Variants in PTPRT observed in about 807,000 individuals in gnomAD.
PTPRT encodes the protein receptor-type tyrosine-protein phosphatase T.
Under a neutral mutation model 176.8 loss-of-function variants are expected in PTPRT, and 56 were observed. The observed-to-expected ratio is 0.32, with a 90% confidence interval of 0.26 to 0.40. The LOEUF is 0.40. Ranked by LOEUF, PTPRT falls within the 10% of genes least tolerant of loss-of-function variation. PTPRT has a pLI of 1.00. For missense variants in PTPRT, 1,540 were observed against 1,908.2 expected, an observed-to-expected ratio of 0.81 and a Z score of 3.60; for synonymous variants, 783 against 739.0, an observed-to-expected ratio of 1.06 and a Z score of -0.96.
chr20:43,126,189 A>G lies in PTPRT; in HGVS notation c.88+63457T>C, dbSNP rs150766274. ...CAACATGGTGAAACCCCGTCTCTATAAAAACACAAAAAATAGCCGGGCATG... is the reference window on the plus strand; with the variant it reads ...CAACATGGTGAAACCCCGTCTCTATGAAAACACAAAAAATAGCCGGGCATG... On this transcript the variant is annotated intron_variant, in intron 1 of 30. Coordinates refer to ENST00000373187, the MANE Select transcript of PTPRT (RefSeq NM_007050.6). 3.2e-3 allele frequency among the ~76,000 whole-genome samples: 491 copies of G among 152,182 alleles called. 4 individuals carry two copies. The highest frequency in any genetic ancestry group is 0.011 in the African/African-American group (443 of 41,522).
intron 6 of PTPRT, among the ~76,000 whole-genome samples, chr20:42,735,435 TTAAATCCC>T (rs11467964): frequency 0.63 from 94,990 of 151,224 alleles, 31,061 homozygotes; most frequent in East Asian, 0.91. Context: ...TAATTCTAGA[TTAAATCCC>T]TACTCCACCC....
At chr20:42,890,870 T>C (rs1224616690) in intron 1 of PTPRT, among the ~76,000 whole-genome samples, 1 of 152,128 alleles carries the variant, frequency 6.6e-6, no homozygotes, top group Non-Finnish European at 1.5e-5. Flanking sequence ...TGGTGGGAGA[T>C]AATTGAATCA....
At chr20:42,366,230 C>T (rs1174059552) in intron 9 of PTPRT, among the ~76,000 whole-genome samples, 1 of 152,200 alleles carries the variant, frequency 6.6e-6, no homozygotes, top group Non-Finnish European at 1.5e-5. Flanking sequence ...CCCCTGACAC[C>T]CAAACCAAGC....
At chr20:42,439,911 AT>A (rs1252070171) in intron 9 of PTPRT, among the ~76,000 whole-genome samples, 3 of 151,964 alleles carry the variant, frequency 2.0e-5, no homozygotes, top group African/African-American at 7.2e-5. Context: ...TTTTTTGTTT[AT>A]TTTTGTTTTG....
At chr20:43,115,679 TC>T (rs2013034154) in intron 1 of PTPRT, among the ~76,000 whole-genome samples, 1 of 152,138 alleles carries the variant, frequency 6.6e-6, no homozygotes, top group African/African-American at 2.4e-5. Context: ...AACCAAAATG[TC>T]AATTCAATTA....
rs572564952 is a variant in PTPRT, at chr20:42,744,039, G to A, written c.859+12423C>T. Among the ~76,000 whole-genome samples, 9 of 152,342 alleles carry A rather than the reference G, an allele frequency of 5.9e-5. No homozygotes were observed. The East Asian group carries it at 1.7e-3, about 29-fold the overall frequency. On this transcript the variant is annotated intron_variant, in intron 6 of 30. Transcript: ENST00000373187. ...ACCAACTGGCTTGGGCTGGAAGCTG[G>A]GTGAGGCCAGGTACAAGGACAGTTC...
At chr20:43,083,350 AT>A (rs1568774188) in intron 1 of PTPRT, among the ~76,000 whole-genome samples, 9 of 127,142 alleles carry the variant, frequency 7.1e-5, no homozygotes, top group East Asian at 4.3e-4. Context: ...ATATATATAT[AT>A]ATATATATAT....
chr20:42,821,250 G>A (rs1030705927), intron 2 of PTPRT, among the ~76,000 whole-genome samples: 1 of 152,108 alleles, frequency 6.6e-6, no homozygotes, highest in Non-Finnish European at 1.5e-5. Flanking sequence ...TGCAAGGCTG[G>A]TTCAACATAC....
chr20:43,027,857 G>A (rs907069323), intron 1 of PTPRT, among the ~76,000 whole-genome samples: 9 of 152,128 alleles, frequency 5.9e-5, no homozygotes, highest in African/African-American at 2.2e-4. Context: ...CAAGAGATGA[G>A]TGACAAGATA....
intron 18 of PTPRT, among the ~76,000 whole-genome samples, chr20:42,137,679 G>A (rs2146399089): frequency 6.6e-6 from 1 of 152,308 alleles, no homozygotes; most frequent in East Asian, 1.9e-4. Context: ...AGACTTAAAA[G>A]TCTGTGACTT....
intron 2 of PTPRT, among the ~76,000 whole-genome samples, chr20:42,815,691 T>C (rs1023295270): frequency 6.6e-6 from 1 of 152,154 alleles, no homozygotes; most frequent in Non-Finnish European, 1.5e-5. Context: ...TGATCATAAG[T>C]GGATTTTTAA....
chr20:42,982,422 G>A (rs548800731), intron 1 of PTPRT, among the ~76,000 whole-genome samples: 11 of 152,302 alleles, frequency 7.2e-5, no homozygotes, highest in African/African-American at 2.2e-4. Flanking sequence ...TTGGCAGAGC[G>A]TGACTGAGCA....
At chr20:42,144,891 T>C (rs1468747295) in intron 17 of PTPRT, among the ~76,000 whole-genome samples, 1 of 152,140 alleles carries the variant, frequency 6.6e-6, no homozygotes, top group Non-Finnish European at 1.5e-5. Flanking sequence ...CTGAACCAGG[T>C]TGATCAGAAA....
the PTPRT span, among the ~76,000 whole-genome samples, chr20:42,037,072 T>G: frequency 6.6e-6 from 1 of 152,200 alleles, no homozygotes. Context: ...TCCATGGCCA[T>G]GCAGCAGAAG....
At chr20:42,326,622 A>T (rs2057886093) in intron 11 of PTPRT, among the ~76,000 whole-genome samples, 2 of 152,202 alleles carry the variant, frequency 1.3e-5, no homozygotes, top group South Asian at 4.1e-4. Context: ...TATAGGACTG[A>T]CATTGGAAGG....
intron 12 of PTPRT, among the ~76,000 whole-genome samples, chr20:42,287,822 T>C (rs1053353849): frequency 1.3e-5 from 2 of 151,906 alleles, no homozygotes; most frequent in African/African-American, 4.8e-5. Flanking sequence ...AACATCACTA[T>C]GTATCCCATA....
At chr20:43,137,677 G>A (rs940844133) in intron 1 of PTPRT, among the ~76,000 whole-genome samples, 5 of 152,128 alleles carry the variant, frequency 3.3e-5, no homozygotes, top group African/African-American at 7.2e-5. Flanking sequence ...TTCCCCCAAC[G>A]CTATAGTGGC....
rs146962660 is a variant in PTPRT, at chr20:42,828,010, C to T, written c.215-36544G>A. Reference sequence around the variant, plus strand: ...GAGTAGGGTGCTGCTATAAGGATGTCCAAAAATGTGGAAGCTACTTTGGAA... The same window carrying T: ...GAGTAGGGTGCTGCTATAAGGATGTTCAAAAATGTGGAAGCTACTTTGGAA... On this transcript the variant is annotated intron_variant, in intron 2 of 30. Coordinates refer to ENST00000373187, the MANE Select transcript of PTPRT (RefSeq NM_007050.6). Among the ~76,000 whole-genome samples the T allele has an allele frequency of 4.6e-3, 698 of 152,134 alleles. 5 individuals are homozygous for T. The highest frequency in any genetic ancestry group is 7.1e-3 in the Non-Finnish European group (484 of 68,006).
chr20:42,210,912 T>C (rs889810901), intron 15 of PTPRT, among the ~76,000 whole-genome samples: 20 of 151,058 alleles, frequency 1.3e-4, no homozygotes, highest in African/African-American at 4.6e-4. Context: ...AAGGCTACAG[T>C]AACCAAAACA....
Sources: gnomAD v4.1 joint callset for allele counts (sites outside exome capture counted in the v4.1 genomes callset) on GRCh38, gnomAD v4.1.1 for gene constraint, MANE v1.5 for transcripts, NCBI Gene and HGNC (gene_info 2026-07-23, HGNC 2026-07-21) for gene names.